Variants in PPIP5K2 observed in about 807,000 individuals in gnomAD.
PPIP5K2 encodes inositol hexakisphosphate and diphosphoinositol-pentakisphosphate kinase 2.
A neutral mutation model predicts 154.6 loss-of-function variants in PPIP5K2; 105 were observed. The ratio of observed to expected loss-of-function variants is 0.68; its 90% CI spans 0.58 to 0.80. PPIP5K2 has a LOEUF of 0.80. PPIP5K2 is among the 30% of genes least tolerant of loss of function. The pLI is 0.00. For missense variants in PPIP5K2, 992 were observed against 1,504.6 expected (o/e 0.66, Z 5.64); for synonymous variants, 480 against 490.3 (o/e 0.98, Z 0.28).
At chr5:103,127,471 T>C (rs17155085) in intron 1 of PPIP5K2, among the ~76,000 whole-genome samples, 1,564 of 152,338 alleles carry the variant, frequency 0.01, 10 homozygotes, top group African/African-American at 0.015. Context: ...TAACCAGCAC[T>C]TAATACTATG....
Position 103,207,466 on chromosome 5 carries a change from T to G in PPIP5K2, c.*5832T>G, listed in dbSNP as rs533550212. 6.6e-6 allele frequency: 1 copy of G among 152,322 alleles called. No individual in the cohort carries two copies. The highest frequency in any genetic ancestry group is 2.4e-5 in the African/African-American group (1 of 41,580). 9.4% of individuals were successfully genotyped at this position (152,322 alleles called of 1,614,324 possible). The stretch of plus-strand genomic sequence containing the variant: ...GATAATGGATACATAATCAGCAATG[T>G]ATGCTGTATACTACACTTGCATTAT... On this transcript the variant is annotated 3_prime_UTR_variant, in exon 31 of 31. Transcript: ENST00000358359.
intron 30 of PPIP5K2, 84 bp from the exon 31 acceptor site, chr5:103,201,438 T>G: frequency 1.3e-6 from 1 of 741,094 alleles, no homozygotes; most frequent in East Asian, 2.7e-5. Flanking sequence ...AGAATTGTTT[T>G]GTCAATCAGC....
Position 103,120,422 on chromosome 5 carries a change from G to T in PPIP5K2, c.-351G>T, listed in dbSNP as rs76101755. ...CACCCCTGCCTCCGGGATGAAAGGG[G>T]GTAACCTAGACCTGAATGGGCTTGA... On this transcript the variant is annotated 5_prime_UTR_variant, in exon 1 of 31. Coordinates refer to ENST00000358359, the MANE Select transcript of PPIP5K2 (RefSeq NM_001276277.3). 67 of 456,708 alleles carry T rather than the reference G, an allele frequency of 1.5e-4. 1 individual carries two copies. In the East Asian group the frequency reaches 4.3e-3, roughly 29 times the overall value. The allele number at this position is 456,708 out of a possible 1,614,324, so 28.3% of individuals were successfully genotyped here.
chr5:103,186,378 T>G lies in PPIP5K2; in HGVS notation c.3228T>G (p.Pro1076=). Residue 1076 remains proline, a synonymous_variant, in exon 27 of 31, where the codon CCT becomes CCG. Transcript: ENST00000358359. ...TGCTCGGGGGTTCTTCAAGCGCACC[T>G]AACCTACAGGATTATGCTCGTACTC... ...TSVLGGSSSA[P]NLQDYARTHR... The G allele has an allele frequency of 2.5e-6, 4 of 1,613,962 alleles. No homozygotes were observed. Among genetic ancestry groups the G allele is most frequent in the Non-Finnish European group, 3.4e-6 (4 of 1,179,900 alleles).
chr5:103,201,888 G>T lies in PPIP5K2; in HGVS notation c.*254G>T. The T allele has an allele frequency of 2.8e-6, 1 of 363,026 alleles. No homozygotes were observed. The highest frequency in any genetic ancestry group is 5.0e-6 in the Non-Finnish European group (1 of 199,214). The allele number at this position is 363,026 out of a possible 1,614,324, so 22.5% of individuals were successfully genotyped here. The stretch of plus-strand genomic sequence containing the variant: ...ATGTTTACCATGTGCACATAGTAAT[G>T]AAAAGGAACATAAAAGCCCAGCAGG... On this transcript the variant is annotated 3_prime_UTR_variant, in exon 31 of 31. Coordinates refer to ENST00000358359, the MANE Select transcript of PPIP5K2 (RefSeq NM_001276277.3).
chr5:103,121,648 T>C (rs1788761104), intron 1 of PPIP5K2, among the ~76,000 whole-genome samples: 1 of 152,252 alleles, frequency 6.6e-6, no homozygotes, highest in Non-Finnish European at 1.5e-5. Flanking sequence ...TATGGAGCAT[T>C]GTGATGCAGA....
intron 1 of PPIP5K2, among the ~76,000 whole-genome samples, chr5:103,121,742 A>G (rs1297050097): frequency 6.6e-6 from 1 of 152,234 alleles, no homozygotes; most frequent in Non-Finnish European, 1.5e-5. Context: ...TTTGCAGAAA[A>G]TTTTAAAATC....
chr5:103,158,692 T>C, intron 16 of PPIP5K2, 119 bp downstream of exon 16: 1 of 788,454 alleles, frequency 1.3e-6, no homozygotes, highest in Non-Finnish European at 1.9e-6. Flanking sequence ...GAGGCTGAGG[T>C]GGTCAGATCA....
intron 11 of PPIP5K2, 111 bp downstream of exon 11, chr5:103,154,045 T>C (rs1304192650): frequency 1.9e-5 from 13 of 700,894 alleles, no homozygotes; most frequent in Non-Finnish European, 2.9e-5. Context: ...ATCTACTGTC[T>C]CTTGGCCATT....
chr5:103,187,868 G>C (rs1329010753), intron 28 of PPIP5K2, among the ~76,000 whole-genome samples: 1 of 152,098 alleles, frequency 6.6e-6, no homozygotes, highest in East Asian at 1.9e-4. Context: ...ATATTTCACT[G>C]TATAACATCG....
At chr5:103,133,313 T>C (rs1790948416) in intron 2 of PPIP5K2, 140 bp from the exon 3 acceptor site, 4 of 548,736 alleles carry the variant, frequency 7.3e-6, no homozygotes, top group Non-Finnish European at 1.2e-5. Context: ...ATATAATTTT[T>C]AAAAATTCCT....
At chr5:103,158,602 A>G (rs781978010) in intron 16 of PPIP5K2, 29 bp downstream of exon 16, 1 of 1,527,344 alleles carries the variant, frequency 6.5e-7, no homozygotes, top group Non-Finnish European at 8.8e-7. Context: ...TAGAATTATT[A>G]GAGTTTTTAA....
At chr5:103,164,499 C>T (rs77304178) in intron 17 of PPIP5K2, among the ~76,000 whole-genome samples, 6,430 of 151,866 alleles carry the variant, frequency 0.042, 442 homozygotes, top group African/African-American at 0.15. Flanking sequence ...CACCCTAGGC[C>T]GTATATTTTC....
intron 27 of PPIP5K2, 35 bp from the exon 28 acceptor site, chr5:103,187,279 T>TA: frequency 6.7e-7 from 1 of 1,495,046 alleles, no homozygotes; most frequent in Non-Finnish European, 9.0e-7. Flanking sequence ...TTGTAGCTGT[T>TA]ACGAATTTCA....
At chr5:103,143,932 C>T (rs1446871943) in intron 5 of PPIP5K2, among the ~76,000 whole-genome samples, 1 of 151,518 alleles carries the variant, frequency 6.6e-6, no homozygotes, top group Admixed American at 6.6e-5. Flanking sequence ...GAAATTATAG[C>T]CAGAGAAATT....
At chr5:103,176,781 A>G in intron 21 of PPIP5K2, 2 of 766,068 alleles carry the variant, frequency 2.6e-6, no homozygotes, top group Non-Finnish European at 3.9e-6. Context: ...GCCTTTTCAG[A>G]TAGAATTTTC....
chr5:103,176,501 A>C (rs1221476245), intron 21 of PPIP5K2, among the ~76,000 whole-genome samples: 1 of 151,992 alleles, frequency 6.6e-6, no homozygotes, highest in Non-Finnish European at 1.5e-5. Flanking sequence ...GGAATGTATA[A>C]TGTCTAAAAC....
chr5:103,167,741 C>T (rs1478159910), intron 18 of PPIP5K2, among the ~76,000 whole-genome samples: 2 of 151,808 alleles, frequency 1.3e-5, no homozygotes, highest in African/African-American at 2.4e-5. Flanking sequence ...CTCTGCTAGT[C>T]TGCCTATTCA....
At chr5:103,141,800 A>T (rs371728647) in intron 5 of PPIP5K2, among the ~76,000 whole-genome samples, 2 of 151,486 alleles carry the variant, frequency 1.3e-5, no homozygotes, top group East Asian at 3.9e-4. Context: ...TCCCTGAGCT[A>T]GAAATAAAGG....
Sources: allele counts gnomAD v4.1 joint callset (sites outside exome capture counted in the v4.1 genomes callset), GRCh38; gene constraint gnomAD v4.1.1; transcripts MANE v1.5; gene names NCBI Gene and HGNC (gene_info 2026-07-23, HGNC 2026-07-21).